DPM1: variants seen among roughly 807,000 people sequenced by gnomAD.
DPM1 encodes the protein dolichyl-phosphate mannosyltransferase subunit 1, catalytic, also known as dolichol-phosphate mannosyltransferase subunit 1.
Under a neutral mutation model 39.0 loss-of-function variants are expected in DPM1, and 27 were observed. The observed-to-expected ratio is 0.69, with a 90% CI of 0.51 to 0.95. DPM1 has a LOEUF of 0.95. Among genes scored for constraint, DPM1 ranks in the 40% least tolerant of loss-of-function variants. The pLI, the probability that DPM1 is intolerant of heterozygous loss-of-function variation, is 0.00. For synonymous variants in DPM1, 124 were observed against 109.0 expected, an observed-to-expected ratio of 1.14 and a Z score of -0.86; for missense variants, 307 against 315.6, an observed-to-expected ratio of 0.97 and a Z score of 0.21.
At chr20:50,950,634 T>C (rs970123142) in intron 2 of DPM1, among the ~76,000 whole-genome samples, 7 of 152,140 alleles carry the variant, frequency 4.6e-5, no homozygotes, top group African/African-American at 1.7e-4. Context: ...TTTGGGAGGC[T>C]GAGGCGGGTG....
intron 7 of DPM1, among the ~76,000 whole-genome samples, chr20:50,936,967 G>A (rs1033271743): frequency 2.6e-5 from 4 of 152,116 alleles, no homozygotes; most frequent in Non-Finnish European, 5.9e-5. Flanking sequence ...CAGCGGAGTT[G>A]GGCAGTCCAG....
At chr20:50,939,646 C>T (rs571067144) in intron 7 of DPM1, among the ~76,000 whole-genome samples, 1 of 150,408 alleles carries the variant, frequency 6.6e-6, no homozygotes, top group Non-Finnish European at 1.5e-5. Context: ...TGACAGTCTT[C>T]CTCTGTCGCC....
chr20:50,941,267 T>TATATATAA (rs1435028731), intron 6 of DPM1: 3 of 148,752 alleles, frequency 2.0e-5, no homozygotes, highest in African/African-American at 9.7e-5. Flanking sequence ...TATATATAAA[T>TATATATAA]AAAATACATT....
chr20:50,935,015 T>C lies in DPM1; in HGVS notation c.*117A>G, dbSNP rs920558366. ...TAGGTGGTCTTCATAAAAAGATGCA[T>C]GAAATTTACCTTACCTTATATTTTA... On this transcript the variant is annotated 3_prime_UTR_variant, in exon 9 of 9. Coordinates refer to ENST00000371588, the MANE Select transcript of DPM1 (RefSeq NM_003859.3). 1.6e-6 allele frequency: 1 copy of C among 641,378 alleles called. No homozygotes were observed. The highest frequency in any genetic ancestry group is 2.8e-6 in the Non-Finnish European group (1 of 361,766). The allele number at this position is 641,378 out of a possible 1,614,324, so 39.7% of individuals were successfully genotyped here. A position where few individuals can be genotyped will look rare whatever the true frequency, so the allele number is the denominator to read the frequency against.
intron 2 of DPM1, among the ~76,000 whole-genome samples, chr20:50,950,946 T>C (rs761673374): frequency 2.0e-5 from 3 of 152,198 alleles, no homozygotes; most frequent in Non-Finnish European, 4.4e-5. Context: ...AGTGATACTT[T>C]CTAAGACCCC....
intron 2 of DPM1, 84 bp downstream of exon 2, chr20:50,955,102 G>T: frequency 2.8e-6 from 3 of 1,071,170 alleles, no homozygotes; most frequent in Non-Finnish European, 4.3e-6. Flanking sequence ...TAAACAAATA[G>T]ATTGAATTTA....
At position 50,938,112 on chromosome 20, in the gene DPM1, CT is replaced by C. The variant is rs1273155241; in HGVS notation, c.564-1851del. Reference sequence around the variant, plus strand: ...TCCTTCCTCCCCATCCACATGGTAACTTTAACACTGTGGCTAGTAAAATAAA... The same window carrying C: ...TCCTTCCTCCCCATCCACATGGTAACTTAACACTGTGGCTAGTAAAATAAA... On this transcript the variant is annotated intron_variant, in intron 7 of 8. Transcript: ENST00000371588. Among the ~76,000 whole-genome samples, 4 of 152,264 alleles carry C rather than the reference CT, an allele frequency of 2.6e-5. No homozygotes were observed. The East Asian group carries it at 7.7e-4, about 29-fold the overall frequency.
intron 2 of DPM1, 120 bp from the exon 3 acceptor site, chr20:50,948,782 T>TA: frequency 1.1e-6 from 1 of 877,466 alleles, no homozygotes; most frequent in South Asian, 1.5e-5. Flanking sequence ...TGTTAGAACT[T>TA]AAAGCAAAGT....
chr20:50,939,980 A>G (rs755672226), intron 7 of DPM1, among the ~76,000 whole-genome samples: 1 of 152,152 alleles, frequency 6.6e-6, no homozygotes, highest in Non-Finnish European at 1.5e-5. Flanking sequence ...CTTAGGGTAT[A>G]GCCTCCCCTC....
rs1258512667 is a variant in DPM1, at chr20:50,940,863, A to T, written c.563+2T>A. On this transcript the variant is annotated splice_donor_variant, in intron 7 of 8. Coordinates refer to ENST00000371588, the MANE Select transcript of DPM1 (RefSeq NM_003859.3). LOFTEE classifies it high-confidence loss of function. ...TAAAAGTAGTGGAAATTTTCACTGTACCTGAAACTTCCTGTTAAATCAGAT... is the reference window on the plus strand; with the variant it reads ...TAAAAGTAGTGGAAATTTTCACTGTTCCTGAAACTTCCTGTTAAATCAGAT... 6.2e-7 allele frequency: 1 copy of T among 1,612,822 alleles called. No homozygotes were observed. Among genetic ancestry groups the T allele is most frequent in the East Asian group, 2.2e-5 (1 of 44,842 alleles).
chr20:50,935,070 G>A lies in DPM1; in HGVS notation c.*62C>T. ...TTAAGAGTACATTTTATACAAATCA[G>A]TAACCAGGCTTCTTTCATGTTTAAC... On this transcript the variant is annotated 3_prime_UTR_variant, in exon 9 of 9. Coordinates refer to ENST00000371588, the MANE Select transcript of DPM1 (RefSeq NM_003859.3). 1.0e-6 allele frequency: 1 copy of A among 972,848 alleles called. No homozygotes were observed. Among genetic ancestry groups the A allele is most frequent in the Non-Finnish European group, 1.7e-6 (1 of 605,370 alleles). 60.3% of individuals were successfully genotyped at this position (972,848 alleles called of 1,614,324 possible). A position where few individuals can be genotyped will look rare whatever the true frequency, so the allele number is the denominator to read the frequency against.
At position 50,935,043 on chromosome 20, in the gene DPM1, C is replaced by G. The variant is rs1985025777; in HGVS notation, c.*89G>C. 3.9e-6 allele frequency: 3 copies of G among 774,150 alleles called. No homozygotes were observed. Among genetic ancestry groups the G allele is most frequent in the Non-Finnish European group, 6.7e-6 (3 of 446,282 alleles). The allele number at this position is 774,150 out of a possible 1,614,324, so 48.0% of individuals were successfully genotyped here. A position where few individuals can be genotyped will look rare whatever the true frequency, so the allele number is the denominator to read the frequency against. On this transcript the variant is annotated 3_prime_UTR_variant, in exon 9 of 9. Transcript: ENST00000371588. ...AATTTACCTTACCTTATATTTTATA[C>G]TTTAAGAGTACATTTTATACAAATC...
intron 7 of DPM1, 58 bp downstream of exon 7, chr20:50,940,807 C>T: frequency 7.8e-7 from 1 of 1,285,854 alleles, no homozygotes; most frequent in Non-Finnish European, 1.1e-6. Context: ...TTAAAATATC[C>T]ATTGTAAAGA....
rs1167217560 is a variant in DPM1, at chr20:50,940,736, AT to A, written c.563+128del. ...TAGGCTTCATTAGCAACTTCTAGGAATTTTAGTCTGCCTTTTTAGTATCCCA... is the reference window on the plus strand; with the variant it reads ...TAGGCTTCATTAGCAACTTCTAGGAATTTAGTCTGCCTTTTTAGTATCCCA... On this transcript the variant is annotated intron_variant, in intron 7 of 8. Coordinates refer to ENST00000371588, the MANE Select transcript of DPM1 (RefSeq NM_003859.3). 1.0e-5 allele frequency: 8 copies of A among 802,300 alleles called. No homozygotes were observed. In the African/African-American group the frequency reaches 1.2e-4, roughly 12 times the overall value. 49.7% of individuals were successfully genotyped at this position (802,300 alleles called of 1,614,324 possible).
chr20:50,958,215 C>T, intron 1 of DPM1, 148 bp downstream of exon 1: 1 of 1,023,360 alleles, frequency 9.8e-7, no homozygotes, highest in African/African-American at 1.6e-5. Context: ...TCCGCCTCTG[C>T]TTCCCTCGCA....
chr20:50,937,050 T>TC (rs1362179881), intron 7 of DPM1, among the ~76,000 whole-genome samples: 6 of 151,918 alleles, frequency 3.9e-5, no homozygotes, highest in African/African-American at 9.6e-5. Context: ...ACACTTTTTT[T>TC]TTTTTTTTTT....
chr20:50,956,721 C>A lies in DPM1; in HGVS notation c.162-1436G>T, dbSNP rs553195720. Among the ~76,000 whole-genome samples the A allele has an allele frequency of 6.6e-5, 10 of 152,242 alleles. 1 individual carries two copies. Among genetic ancestry groups the A allele is most frequent in the South Asian group, 2.1e-4 (1 of 4,820 alleles). ...CTTCCCACTGTGCCTTAAATCTGGG[C>A]ACTGGTGCCTTTACATGCCAAAATA... On this transcript the variant is annotated intron_variant, in intron 1 of 8. Coordinates refer to ENST00000371588, the MANE Select transcript of DPM1 (RefSeq NM_003859.3).
intron 5 of DPM1, among the ~76,000 whole-genome samples, chr20:50,942,468 A>T (rs951731629): frequency 6.6e-6 from 1 of 150,986 alleles, no homozygotes; most frequent in Non-Finnish European, 1.5e-5. Flanking sequence ...ACGCCACTGC[A>T]CTCTAGCCTG....
intron 6 of DPM1, 113 bp downstream of exon 6, chr20:50,941,918 A>C: frequency 1.1e-6 from 1 of 883,490 alleles, no homozygotes; most frequent in Non-Finnish European, 1.9e-6. Context: ...ATTTACTGGA[A>C]GTTATAACCT....
Sources: allele counts gnomAD v4.1 joint callset (sites outside exome capture counted in the v4.1 genomes callset), GRCh38; gene constraint gnomAD v4.1.1; transcripts MANE v1.5; gene names NCBI Gene and HGNC (gene_info 2026-07-23, HGNC 2026-07-21).